The following FAM168B variants were observed in gnomAD, a reference collection of about 807,000 sequenced individuals.
The protein encoded by FAM168B is myelin-associated neurite-outgrowth inhibitor.
FAM168B carries 19 observed loss-of-function variants against 21.8 expected under a neutral mutation model. That is an observed-to-expected ratio of 0.87 (90% CI 0.61 to 1.28). The LOEUF (loss-of-function observed/expected upper bound fraction) is 1.28, where lower values mean the gene tolerates loss of function less well. Ranked by LOEUF, FAM168B falls within the 50% of genes most tolerant of loss-of-function variation. FAM168B has a pLI of 0.00. For synonymous variants in FAM168B, 126 were observed against 104.8 expected (o/e 1.20, Z -1.24); for missense variants, 233 against 263.1 (o/e 0.89, Z 0.79).
At chr2:131,075,629 G>A (rs1395616859) in intron 2 of FAM168B, among the ~76,000 whole-genome samples, 1 of 152,046 alleles carries the variant, frequency 6.6e-6, no homozygotes, top group East Asian at 1.9e-4. Flanking sequence ...TGAGTGGCTA[G>A]GACTACAGGG....
At chr2:131,082,759 T>G (rs1693484498) in intron 1 of FAM168B, 102 bp from the exon 2 acceptor site, 1 of 699,264 alleles carries the variant, frequency 1.4e-6, no homozygotes, top group Admixed American at 3.0e-5. Flanking sequence ...TTCTCTAGGC[T>G]GCTATAAAAC....
Position 131,051,740 on chromosome 2 carries a change from A to G in FAM168B, c.*725T>C. 1.0e-6 allele frequency: 1 copy of G among 985,420 alleles called. No homozygotes were observed. The highest frequency in any genetic ancestry group is 1.2e-6 in the Non-Finnish European group (1 of 829,922). 61.0% of individuals were successfully genotyped at this position (985,420 alleles called of 1,614,324 possible). ...CCCAAATTTCACTGGCCACACTACC[A>G]TAATCTTTCATGATGAGCTTTAAGC... On this transcript the variant is annotated 3_prime_UTR_variant, in exon 7 of 7. Transcript: ENST00000389915.
chr2:131,055,754 G>T, intron 3 of FAM168B, 59 bp from the exon 4 acceptor site: 1 of 1,580,374 alleles, frequency 6.3e-7, no homozygotes, highest in Non-Finnish European at 8.6e-7. Flanking sequence ...GCAGGGAGAG[G>T]ACACAGGCAG....
Position 131,055,490 on chromosome 2 carries a change from C to A in FAM168B, c.298-41G>T, listed in dbSNP as rs377290351. 5 of 1,601,754 alleles carry A rather than the reference C, an allele frequency of 3.1e-6. No homozygotes were observed. In the African/African-American group the frequency reaches 5.4e-5, roughly 17 times the overall value. On this transcript the variant is annotated intron_variant, in intron 4 of 6. Coordinates refer to ENST00000389915, the MANE Select transcript of FAM168B (RefSeq NM_001009993.4). ...AGACAACTGACACAGGGTCCCAGGG[C>A]CAAAGGATGAACGCCCAGGTGGTAT... is the stretch of plus-strand genomic sequence containing the variant.
Position 131,078,700 on chromosome 2 carries a change from T to C in FAM168B, c.70+3877A>G, listed in dbSNP as rs572488942. ...AACATGATTTCAAAGAGGCAAAAAT[T>C]ATTCTAGGCCGGGCACAGTGGCTCA... On this transcript the variant is annotated intron_variant, in intron 2 of 6. Coordinates refer to ENST00000389915, the MANE Select transcript of FAM168B (RefSeq NM_001009993.4). 3.7e-4 allele frequency among the ~76,000 whole-genome samples: 56 copies of C among 152,172 alleles called. 2 individuals carry two copies. The South Asian group carries it at 0.011, about 31-fold the overall frequency.
In FAM168B at chr2:131,055,426, C is replaced by G. The variant is rs371738478; in HGVS notation, c.321G>C (p.Pro107=). 3 of 1,609,154 alleles carry G rather than the reference C, an allele frequency of 1.9e-6. No individual in the cohort carries two copies. Among genetic ancestry groups the G allele is most frequent in the Admixed American group, 3.4e-5 (2 of 58,310 alleles). ...YAQQGTYYTQ[P]LYAAPPHVIH... ...TGACGTGAGGAGGTGCTGCATACAG[C>G]GGCTGTGTGTAGTACGTGCCTTGCT... The change falls in exon 5 of 7, where the codon CCG becomes CCC. Residue 107 remains proline, a synonymous_variant. Transcript: ENST00000389915.
rs201340908 is a variant in FAM168B at position 131,087,643 on chromosome 2, A to AC, written c.-11-4987dup. ...GAATCAGTAATAGATGATTGTGGAG[A>AC]CACAGCTTAGGTACAACCACCAAGT... On this transcript the variant is annotated intron_variant, in intron 1 of 6. Transcript: ENST00000389915. Among the ~76,000 whole-genome samples the AC allele has an allele frequency of 6.9e-3, 1,051 of 152,304 alleles. 7 individuals are homozygous for AC. The highest frequency in any genetic ancestry group is 9.2e-3 in the Non-Finnish European group (626 of 68,026).
At chr2:131,082,801 G>C (rs1693486112) in intron 1 of FAM168B, 144 bp from the exon 2 acceptor site, 1 of 585,952 alleles carries the variant, frequency 1.7e-6, no homozygotes, top group African/African-American at 1.9e-5. Context: ...AACCAGCGAA[G>C]AACAGAAAAG....
At position 131,050,549 on chromosome 2, in the gene FAM168B, C is replaced by T; in HGVS notation, c.*1916G>A. 7 of 985,768 alleles carry T rather than the reference C, an allele frequency of 7.1e-6. No homozygotes were observed. Among genetic ancestry groups the T allele is most frequent in the Non-Finnish European group, 8.4e-6 (7 of 829,928 alleles). The allele number at this position is 985,768 out of a possible 1,614,324, so 61.1% of individuals were successfully genotyped here. Reference sequence around the variant, plus strand: ...AGTGCTCATGAAGCAATTTAAAGTACTTATCAGTAAACATTCTATGTTAAT... The same window carrying T: ...AGTGCTCATGAAGCAATTTAAAGTATTTATCAGTAAACATTCTATGTTAAT... On this transcript the variant is annotated 3_prime_UTR_variant, in exon 7 of 7. Coordinates refer to ENST00000389915, the MANE Select transcript of FAM168B (RefSeq NM_001009993.4).
intron 3 of FAM168B, among the ~76,000 whole-genome samples, chr2:131,067,622 G>C (rs555310195): frequency 2.0e-5 from 3 of 152,046 alleles, no homozygotes; most frequent in South Asian, 2.1e-4. Flanking sequence ...TTGTGCCTAA[G>C]GTTCCAGGTA....
At chr2:131,085,041 G>A (rs1693612729) in intron 1 of FAM168B, among the ~76,000 whole-genome samples, 1 of 152,176 alleles carries the variant, frequency 6.6e-6, no homozygotes, top group African/African-American at 2.4e-5. Flanking sequence ...ACTGACGTAT[G>A]TGGTTATAAA....
chr2:131,076,947 G>GGCT (rs1693186524), intron 2 of FAM168B, among the ~76,000 whole-genome samples: 1 of 151,490 alleles, frequency 6.6e-6, no homozygotes, highest in Non-Finnish European at 1.5e-5. Flanking sequence ...CTGTTAGCCA[G>GGCT]GCTGTGGGGA....
intron 3 of FAM168B, among the ~76,000 whole-genome samples, chr2:131,059,098 G>A (rs1354237530): frequency 6.6e-6 from 1 of 152,114 alleles, no homozygotes; most frequent in Admixed American, 6.5e-5. Flanking sequence ...ATGGTGACTG[G>A]GGCATTGTAC....
At position 131,055,619 on chromosome 2, in the gene FAM168B, C is replaced by T. The variant is rs1359756797; in HGVS notation, c.231G>A (p.Pro77=). The change falls in exon 4 of 7, where the codon CCG becomes CCA. Residue 77 remains proline, a synonymous_variant. Transcript: ENST00000389915. ...SGAVPPYSSS[P]NPYQTAVYPV... ...GGTACACGGCAGTCTGGTAGGGGTT[C>T]GGGGAGGAGGAGTACGGTGGCACAG... 9.3e-6 allele frequency: 15 copies of T among 1,611,180 alleles called. No homozygotes were observed. The highest frequency in any genetic ancestry group is 1.1e-5 in the South Asian group (1 of 90,570).
chr2:131,069,422 C>A (rs1472490384), intron 3 of FAM168B, among the ~76,000 whole-genome samples: 1 of 152,074 alleles, frequency 6.6e-6, no homozygotes, highest in Non-Finnish European at 1.5e-5. Flanking sequence ...AATGTAAAAC[C>A]TACAAGTGTA....
chr2:131,049,699 T>A lies in FAM168B; in HGVS notation c.*2766A>T. 1 of 985,832 alleles carries A rather than the reference T, an allele frequency of 1.0e-6. No individual in the cohort carries two copies. The highest frequency in any genetic ancestry group is 4.7e-5 in the South Asian group (1 of 21,286). The allele number at this position is 985,832 out of a possible 1,614,324, so 61.1% of individuals were successfully genotyped here. The stretch of plus-strand genomic sequence containing the variant: ...TGTTTACATGAACTAGGTCCTTTGC[T>A]TACCTGCTGTCTCAACTTCTAAAAG... On this transcript the variant is annotated 3_prime_UTR_variant, in exon 7 of 7. Coordinates refer to ENST00000389915, the MANE Select transcript of FAM168B (RefSeq NM_001009993.4).
At chr2:131,066,205 G>T (rs561297863) in intron 3 of FAM168B, among the ~76,000 whole-genome samples, 1 of 143,054 alleles carries the variant, frequency 7.0e-6, no homozygotes, top group South Asian at 2.2e-4. Context: ...TCGCTCTGTC[G>T]CCCAGGCTGG....
At chr2:131,059,093 G>T (rs983886960) in intron 3 of FAM168B, among the ~76,000 whole-genome samples, 10 of 152,240 alleles carry the variant, frequency 6.6e-5, no homozygotes, top group Admixed American at 2.6e-4. Flanking sequence ...AGTGAATGGT[G>T]ACTGGGGCAT....
chr2:131,053,085 C>T (rs566709779), intron 5 of FAM168B, 70 bp from the exon 6 acceptor site: 4 of 1,460,356 alleles, frequency 2.7e-6, no homozygotes, highest in Non-Finnish European at 3.6e-6. Context: ...GATACGCACA[C>T]AAGCCTGGCC....
Sources: gnomAD v4.1 joint callset for allele counts (sites outside exome capture counted in the v4.1 genomes callset) on GRCh38, gnomAD v4.1.1 for gene constraint, MANE v1.5 for transcripts, NCBI Gene and HGNC (gene_info 2026-07-23, HGNC 2026-07-21) for gene names.